Variants in TRPC6 observed in about 807,000 individuals in gnomAD.
TRPC6 encodes the protein transient receptor potential cation channel subfamily C member 6.
A neutral mutation model predicts 90.7 loss-of-function variants in TRPC6; 55 were observed. That is an observed-to-expected ratio of 0.61 (90% CI 0.49 to 0.76). The LOEUF is 0.76. Among genes scored for constraint, TRPC6 ranks in the 30% least tolerant of loss-of-function variants. TRPC6 has a pLI of 0.00. For missense variants in TRPC6, 989 were observed against 1,122.7 expected (o/e 0.88, Z 1.70); for synonymous variants, 393 against 393.0 (o/e 1.00, Z 0.00).
intron 1 of TRPC6, among the ~76,000 whole-genome samples, chr11:101,513,069 G>T (rs572863468): frequency 6.6e-6 from 1 of 152,306 alleles, no homozygotes; most frequent in East Asian, 1.9e-4. Context: ...CATAATGAGG[G>T]AACAGTTACC....
chr11:101,519,815 T>A (rs1206426076), intron 1 of TRPC6: 12 of 153,768 alleles, frequency 7.8e-5, no homozygotes, highest in African/African-American at 1.5e-4. Flanking sequence ...CACAATCTGA[T>A]CTTTACTGAG....
intron 1 of TRPC6, among the ~76,000 whole-genome samples, chr11:101,526,000 T>C (rs1397481068): frequency 6.6e-6 from 1 of 152,220 alleles, no homozygotes; most frequent in Non-Finnish European, 1.5e-5. Context: ...TTTGTACTCA[T>C]AGCCCTCATT....
chr11:101,562,681 T>G (rs1861741713), intron 1 of TRPC6, among the ~76,000 whole-genome samples: 1 of 152,178 alleles, frequency 6.6e-6, no homozygotes, highest in African/African-American at 2.4e-5. Context: ...TTTGTCCTTC[T>G]TTCTGACCCC....
Position 101,583,326 on chromosome 11 carries a change from G to GCACT in TRPC6, c.170+4_170+7dup. On this transcript the variant is annotated splice_region_variant and intron_variant, in intron 1 of 12. Transcript: ENST00000344327. ...GCGCCCGATCCGCCCCGCGTCGCCGGCACTCACAAGCAGGGGTAGTAGCCG... is the reference window on the plus strand; with the variant it reads ...GCGCCCGATCCGCCCCGCGTCGCCGGCACTCACTCACAAGCAGGGGTAGTAGCCG... The GCACT allele has an allele frequency of 1.3e-6, 2 of 1,577,624 alleles. No homozygotes were observed. Among genetic ancestry groups the GCACT allele is most frequent in the South Asian group, 1.2e-5 (1 of 86,912 alleles).
At chr11:101,537,091 A>C (rs1861066625) in intron 1 of TRPC6, among the ~76,000 whole-genome samples, 1 of 152,232 alleles carries the variant, frequency 6.6e-6, no homozygotes, top group Non-Finnish European at 1.5e-5. Flanking sequence ...TGCCATCTAC[A>C]TTTGGAGTAC....
chr11:101,582,341 C>G (rs1312597295), intron 1 of TRPC6, among the ~76,000 whole-genome samples: 1 of 152,118 alleles, frequency 6.6e-6, no homozygotes, highest in Non-Finnish European at 1.5e-5. Context: ...GGAATCCTCC[C>G]TCCAACTAAA....
intron 2 of TRPC6, among the ~76,000 whole-genome samples, chr11:101,494,144 G>C (rs760634235): frequency 6.6e-6 from 1 of 152,052 alleles, no homozygotes; most frequent in Admixed American, 6.5e-5. Context: ...CCATGCGGAC[G>C]AACTCTTAGA....
chr11:101,518,611 A>T (rs1045643955), intron 1 of TRPC6, among the ~76,000 whole-genome samples: 1 of 152,198 alleles, frequency 6.6e-6, no homozygotes, highest in Non-Finnish European at 1.5e-5. Flanking sequence ...GTAAATTGGT[A>T]CTATGAAGAA....
intron 1 of TRPC6, among the ~76,000 whole-genome samples, chr11:101,571,910 A>G (rs975004270): frequency 1.3e-5 from 2 of 152,222 alleles, no homozygotes; most frequent in East Asian, 3.8e-4. Context: ...CTAAAACCAT[A>G]AAAACCCTAG....
intron 1 of TRPC6, among the ~76,000 whole-genome samples, chr11:101,547,622 A>G (rs4754769): frequency 0.73 from 110,544 of 152,048 alleles, 40,787 homozygotes; most frequent in East Asian, 0.99. Context: ...ATTTCTTCCT[A>G]TCTGTAATTT....
intron 2 of TRPC6, among the ~76,000 whole-genome samples, chr11:101,495,223 G>A (rs149283509): frequency 6.6e-5 from 10 of 152,292 alleles, no homozygotes; most frequent in Middle Eastern, 6.8e-3. Context: ...AAAGATACCC[G>A]TTAAAATGAT....
At chr11:101,505,686 G>T (rs1376542657) in intron 1 of TRPC6, among the ~76,000 whole-genome samples, 1 of 152,128 alleles carries the variant, frequency 6.6e-6, no homozygotes, top group Non-Finnish European at 1.5e-5. Flanking sequence ...CAGAGCAGTG[G>T]CCAGCCTTCA....
chr11:101,583,255 G>T (rs905053765), intron 1 of TRPC6, 79 bp downstream of exon 1: 2 of 1,500,462 alleles, frequency 1.3e-6, no homozygotes, highest in African/African-American at 2.8e-5. Flanking sequence ...GCGCGCGGAC[G>T]GACTCGGCCA....
Position 101,483,168 on chromosome 11 carries a change from G to A in TRPC6, c.1294-3C>T, listed in dbSNP as rs768453159. 6.2e-7 allele frequency: 1 copy of A among 1,613,872 alleles called. No individual in the cohort carries two copies. ...GGTCCACGCATTATCTTCCCCATCT[G>A]CCACAACACACACCAAAATAAAATC... On this transcript the variant is annotated splice_region_variant and splice_polypyrimidine_tract_variant and intron_variant, in intron 4 of 12. Transcript: ENST00000344327.
At chr11:101,583,213 C>G in intron 1 of TRPC6, 121 bp downstream of exon 1, 5 of 1,444,298 alleles carry the variant, frequency 3.5e-6, no homozygotes, top group Middle Eastern at 2.3e-4. Context: ...CTCCCAGCAC[C>G]GTCCTAGGAG....
chr11:101,537,237 C>A (rs2136811218), intron 1 of TRPC6, among the ~76,000 whole-genome samples: 1 of 152,146 alleles, frequency 6.6e-6, no homozygotes, highest in African/African-American at 2.4e-5. Context: ...TTTTTTTCAA[C>A]TACACCAAGA....
intron 1 of TRPC6, among the ~76,000 whole-genome samples, chr11:101,578,462 A>G (rs1188887198): frequency 6.6e-6 from 1 of 152,194 alleles, no homozygotes; most frequent in African/African-American, 2.4e-5. Flanking sequence ...GGGGGATTTT[A>G]CTTGTGGTCT....
rs148011678 is a variant in TRPC6, at chr11:101,482,298, G to A, written c.1510+651C>T. The stretch of plus-strand genomic sequence containing the variant: ...ATTTATTCATAAATATCTAATTGAA[G>A]TATCTTTATTGTTTGCATTATATTT... On this transcript the variant is annotated intron_variant, in intron 5 of 12. Coordinates refer to ENST00000344327, the MANE Select transcript of TRPC6 (RefSeq NM_004621.6). Among the ~76,000 whole-genome samples the A allele has an allele frequency of 5.1e-3, 775 of 152,226 alleles. 2 individuals are homozygous for A. The highest frequency in any genetic ancestry group is 0.018 in the African/African-American group (738 of 41,530).
chr11:101,470,207 T>C (rs1252339950), intron 9 of TRPC6, among the ~76,000 whole-genome samples: 1 of 152,226 alleles, frequency 6.6e-6, no homozygotes, highest in African/African-American at 2.4e-5. Context: ...CATTCTTCTG[T>C]TGGGCAGATT....
Sources: gnomAD v4.1 joint callset for allele counts (sites outside exome capture counted in the v4.1 genomes callset) on GRCh38, gnomAD v4.1.1 for gene constraint, MANE v1.5 for transcripts, NCBI Gene and HGNC (gene_info 2026-07-23, HGNC 2026-07-21) for gene names.